The following PIWIL2 variants were observed in gnomAD, a reference collection of about 807,000 sequenced individuals.
PIWIL2 encodes piwi-like protein 2.
A neutral mutation model predicts 116.5 loss-of-function variants in PIWIL2; 81 were observed. That is an observed-to-expected ratio of 0.70 (90% CI 0.58 to 0.84). The LOEUF is 0.84. Ranked by LOEUF, PIWIL2 falls within the 40% of genes least tolerant of loss-of-function variation. PIWIL2 has a pLI of 0.00. For synonymous variants in PIWIL2, 489 were observed against 429.5 expected, an observed-to-expected ratio of 1.14 and a Z score of -1.71; for missense variants, 1,272 against 1,212.3, an observed-to-expected ratio of 1.05 and a Z score of -0.73.
At chr8:22,289,603 T>G (rs553816793) in intron 8 of PIWIL2, among the ~76,000 whole-genome samples, 1 of 152,320 alleles carries the variant, frequency 6.6e-6, no homozygotes, top group African/African-American at 2.4e-5. Flanking sequence ...GGAAACCAAC[T>G]CAGTGTTTGG....
chr8:22,305,526 G>A (rs1454900062), intron 12 of PIWIL2, among the ~76,000 whole-genome samples: 1 of 152,104 alleles, frequency 6.6e-6, no homozygotes, highest in African/African-American at 2.4e-5. Context: ...GAGGCTTAAG[G>A]AAGGTACCTT....
At chr8:22,300,018 C>G (rs1295556184) in intron 10 of PIWIL2, among the ~76,000 whole-genome samples, 1 of 152,056 alleles carries the variant, frequency 6.6e-6, no homozygotes, top group African/African-American at 2.4e-5. Flanking sequence ...CAGCTCGCTG[C>G]AACCTCCATC....
At chr8:22,349,761 G>A (rs1230454423) in intron 20 of PIWIL2, among the ~76,000 whole-genome samples, 1 of 152,174 alleles carries the variant, frequency 6.6e-6, no homozygotes, top group African/African-American at 2.4e-5. Flanking sequence ...GAGGCTCAGA[G>A]GATTGGTGAG....
intron 8 of PIWIL2, among the ~76,000 whole-genome samples, chr8:22,288,870 A>T (rs1387377192): frequency 6.6e-6 from 1 of 152,210 alleles, no homozygotes; most frequent in Non-Finnish European, 1.5e-5. Flanking sequence ...ATATGAAATT[A>T]GGTTTGGAGG....
intron 20 of PIWIL2, among the ~76,000 whole-genome samples, chr8:22,328,096 T>C (rs1317833867): frequency 6.6e-6 from 1 of 152,164 alleles, no homozygotes; most frequent in Admixed American, 6.5e-5. Flanking sequence ...CTCTTACATA[T>C]AAGTCACTGA....
At position 22,356,589 on chromosome 8, in the gene PIWIL2, G is replaced by T. The variant is rs1042497995; in HGVS notation, c.*1084G>T. 6.6e-6 allele frequency: 1 copy of T among 152,144 alleles called. No individual in the cohort carries two copies. The highest frequency in any genetic ancestry group is 2.4e-5 in the African/African-American group (1 of 41,416). The allele number at this position is 152,144 out of a possible 1,614,324, so 9.4% of individuals were successfully genotyped here. A position where few individuals can be genotyped will look rare whatever the true frequency, so the allele number is the denominator to read the frequency against. On this transcript the variant is annotated 3_prime_UTR_variant, in exon 23 of 23. Coordinates refer to ENST00000356766, the MANE Select transcript of PIWIL2 (RefSeq NM_018068.5). ...TAGCAGCTAGGAAAGTTCAAGTTGG[G>T]GTGGGAGTTTTTAGTGAACTTTTCT...
intron 16 of PIWIL2, among the ~76,000 whole-genome samples, chr8:22,312,286 G>T (rs1204447875): frequency 2.8e-5 from 4 of 144,810 alleles, no homozygotes; most frequent in Admixed American, 7.1e-5. Flanking sequence ...AAAAAAATGA[G>T]ATAGGATTTT....
At chr8:22,289,579 C>T (rs1035260497) in intron 8 of PIWIL2, among the ~76,000 whole-genome samples, 1 of 152,170 alleles carries the variant, frequency 6.6e-6, no homozygotes, top group African/African-American at 2.4e-5. Context: ...TGAAAAGTAA[C>T]GTAATAAAAC....
intron 20 of PIWIL2, among the ~76,000 whole-genome samples, chr8:22,329,817 A>C (rs150325835): frequency 6.6e-6 from 1 of 152,320 alleles, no homozygotes; most frequent in African/African-American, 2.4e-5. Context: ...GTATAGATTT[A>C]TTTTAACAAA....
At chr8:22,350,525 A>G (rs1167226923) in intron 20 of PIWIL2, among the ~76,000 whole-genome samples, 1 of 151,990 alleles carries the variant, frequency 6.6e-6, no homozygotes, top group East Asian at 1.9e-4. Flanking sequence ...TGAGCCTGGG[A>G]GGTGGAGGTT....
intron 20 of PIWIL2, among the ~76,000 whole-genome samples, chr8:22,334,653 G>T (rs1831939329): frequency 2.6e-5 from 4 of 152,046 alleles, no homozygotes; most frequent in Admixed American, 2.6e-4. Flanking sequence ...GTTGGGTCAA[G>T]CCCAACTGTC....
intron 20 of PIWIL2, among the ~76,000 whole-genome samples, chr8:22,328,153 A>T (rs1177248116): frequency 6.6e-6 from 1 of 152,060 alleles, no homozygotes; most frequent in African/African-American, 2.4e-5. Context: ...ATTCTTTCGC[A>T]TCTGGATATC....
rs571540942 is a variant in PIWIL2 at position 22,350,541 on chromosome 8, G to T, written c.2404-2418G>T. On this transcript the variant is annotated intron_variant, in intron 20 of 22. Transcript: ENST00000356766. ...GAGCCTGGGAGGTGGAGGTTGCAGT[G>T]AGCAGAGATGGTGCCACTGTACTGC... 9.9e-5 allele frequency among the ~76,000 whole-genome samples: 15 copies of T among 152,218 alleles called. No homozygotes were observed. In the East Asian group the frequency reaches 2.5e-3, roughly 25 times the overall value.
At chr8:22,298,071 A>G (rs928112561) in intron 10 of PIWIL2, among the ~76,000 whole-genome samples, 3 of 152,170 alleles carry the variant, frequency 2.0e-5, no homozygotes, top group African/African-American at 7.2e-5. Flanking sequence ...AGCCTGGGCA[A>G]CATGGCAAAA....
intron 15 of PIWIL2, 143 bp from the exon 16 acceptor site, chr8:22,310,969 C>A: frequency 1.5e-6 from 1 of 682,688 alleles, no homozygotes; most frequent in Non-Finnish European, 2.5e-6. Context: ...TTATCATGTA[C>A]GTTCATGTTA....
rs1241947612 is a variant in PIWIL2, at chr8:22,305,914, T to G, written c.1456-13T>G. ...GTACTGCCTTATTTTCCCTCTTCGT[T>G]CTCTCTTCAAAGCTGCTAAAAGGGG... is the stretch of plus-strand genomic sequence containing the variant. On this transcript the variant is annotated splice_polypyrimidine_tract_variant and intron_variant, in intron 12 of 22. Coordinates refer to ENST00000356766, the MANE Select transcript of PIWIL2 (RefSeq NM_018068.5). The G allele has an allele frequency of 6.2e-7, 1 of 1,604,676 alleles. No homozygotes were observed. The highest frequency in any genetic ancestry group is 1.7e-5 in the Admixed American group (1 of 59,970).
rs764732072 is a variant in PIWIL2, at chr8:22,304,142, A to C, written c.1303A>C (p.Asn435His). The C allele has an allele frequency of 3.1e-6, 5 of 1,613,444 alleles. No homozygotes were observed. Among genetic ancestry groups the C allele is most frequent in the Non-Finnish European group, 4.2e-6 (5 of 1,179,422 alleles). Residue 435 changes from asparagine (N) to histidine (H), a missense_variant, in exon 11 of 23, where the codon AAT becomes CAT. By Grantham distance (68) the Asn-to-His change is moderately conservative (BLOSUM62 1). Transcript: ENST00000356766. ...CTATCGTATTGATGATGTGGATTGG[A>C]ATAAGACTCCAAAGGATAGCTTCAC... is the stretch of plus-strand genomic sequence containing the variant. ...RTYRIDDVDW[N>H]KTPKDSFTMS...
intron 20 of PIWIL2, among the ~76,000 whole-genome samples, chr8:22,338,842 A>G (rs1832040813): frequency 6.6e-6 from 1 of 152,224 alleles, no homozygotes; most frequent in East Asian, 1.9e-4. Flanking sequence ...GCAGGAGTGG[A>G]TAAGCAGATA....
intron 10 of PIWIL2, among the ~76,000 whole-genome samples, chr8:22,301,577 A>G (rs1310408121): frequency 6.6e-6 from 1 of 152,070 alleles, no homozygotes; most frequent in African/African-American, 2.4e-5. Flanking sequence ...TACAGGCATG[A>G]GCCACCATGC....
Sources: allele counts gnomAD v4.1 joint callset (sites outside exome capture counted in the v4.1 genomes callset), GRCh38; gene constraint gnomAD v4.1.1; transcripts MANE v1.5; gene names NCBI Gene and HGNC (gene_info 2026-07-23, HGNC 2026-07-21).